Variants in ZNF536 observed in about 807,000 individuals in gnomAD.
The protein encoded by ZNF536 is zinc finger protein 536.
A neutral mutation model predicts 84.5 loss-of-function variants in ZNF536; 13 were observed. The observed-to-expected ratio is 0.15, with a 90% CI of 0.10 to 0.24. The LOEUF (loss-of-function observed/expected upper bound fraction) is 0.24. Ranked by LOEUF, ZNF536 falls within the 10% of genes least tolerant of loss-of-function variation. ZNF536 has a pLI of 1.00. For missense variants in ZNF536, 1,536 were observed against 1,747.5 expected (o/e 0.88, Z 2.16); for synonymous variants, 811 against 742.5 (o/e 1.09, Z -1.50).
rs1746898835 is a variant in ZNF536 at position 30,557,788 on chromosome 19, CAA to C, written c.*627_*628del. 6.6e-6 allele frequency: 1 copy of C among 152,492 alleles called. No individual in the cohort carries two copies. The highest frequency in any genetic ancestry group is 2.4e-5 in the African/African-American group (1 of 41,398). The allele number at this position is 152,492 out of a possible 1,614,324, so 9.4% of individuals were successfully genotyped here. On this transcript the variant is annotated 3_prime_UTR_variant, in exon 5 of 5. Transcript: ENST00000355537. ...TACAACTTAAAAATGGTGATTGAAG[CAA>C]AATATGTAAACTTGTACGGGGTGAT...
chr19:30,375,712 T>C (rs2048791520), intron 1 of ZNF536, among the ~76,000 whole-genome samples: 1 of 152,160 alleles, frequency 6.6e-6, no homozygotes, highest in African/African-American at 2.4e-5. Flanking sequence ...GCGTGGCACG[T>C]GTGTGGGCCC....
chr19:30,566,373 A>G (rs1310633019), intron 1 of ZNF536, among the ~76,000 whole-genome samples: 1 of 152,226 alleles, frequency 6.6e-6, no homozygotes, highest in Admixed American at 6.5e-5. Context: ...TAACCTTCCA[A>G]GCAAAGTTGT....
intron 2 of ZNF536, among the ~76,000 whole-genome samples, chr19:30,464,786 G>T (rs910211192): frequency 6.6e-5 from 10 of 152,038 alleles, no homozygotes; most frequent in African/African-American, 2.2e-4. Context: ...TGCCCAGGAG[G>T]GAGAGGGCAA....
chr19:30,516,930 G>C lies in ZNF536; in HGVS notation c.2171-17917G>C, dbSNP rs561440297. ...AGAAGATAGGGGAAGGCCAGGTGTG[G>C]TGACAGATCCCAAGGCCAGTGCAGC... On this transcript the variant is annotated intron_variant, in intron 2 of 4. Transcript: ENST00000355537. Among the ~76,000 whole-genome samples the C allele has an allele frequency of 2.6e-5, 4 of 152,258 alleles. No homozygotes were observed. The East Asian group carries it at 5.8e-4, about 22-fold the overall frequency.
chr19:30,443,512 G>A (rs1311012974), intron 1 of ZNF536, 49 bp from the exon 2 acceptor site: 3 of 1,499,520 alleles, frequency 2.0e-6, no homozygotes, highest in East Asian at 2.3e-5. Context: ...TTGATTCATG[G>A]CGCCACAGCC....
At chr19:30,668,127 A>T (rs2050403864) in intron 1 of ZNF536, among the ~76,000 whole-genome samples, 1 of 152,184 alleles carries the variant, frequency 6.6e-6, no homozygotes, top group African/African-American at 2.4e-5. Flanking sequence ...TAAATGTAAT[A>T]TTAGAAAAAA....
intron 1 of ZNF536, among the ~76,000 whole-genome samples, chr19:30,429,860 T>C (rs2051373026): frequency 6.6e-6 from 1 of 152,184 alleles, no homozygotes; most frequent in South Asian, 2.1e-4. Flanking sequence ...AAAGGCACGT[T>C]GAAGGACTTG....
intron 2 of ZNF536, among the ~76,000 whole-genome samples, chr19:30,294,083 G>A (rs1468061185): frequency 6.6e-6 from 1 of 152,110 alleles, no homozygotes; most frequent in African/African-American, 2.4e-5. Flanking sequence ...CTTCTACTCC[G>A]ACGGTCCCTG....
chr19:30,376,541 G>A (rs981577871), intron 1 of ZNF536, among the ~76,000 whole-genome samples: 3 of 152,198 alleles, frequency 2.0e-5, no homozygotes, highest in African/African-American at 7.2e-5. Context: ...GTGGGTCTGG[G>A]CAGGGCATCT....
chr19:30,482,601 G>A (rs562873233), intron 2 of ZNF536, among the ~76,000 whole-genome samples: 1 of 151,990 alleles, frequency 6.6e-6, no homozygotes, highest in East Asian at 1.9e-4. Context: ...TAAATCTAGA[G>A]TTTTAAAAAT....
upstream of ZNF536, among the ~76,000 whole-genome samples, chr19:30,225,715 G>C (rs1184623019): frequency 7.0e-6 from 1 of 142,432 alleles, no homozygotes; most frequent in African/African-American, 2.6e-5. Context: ...GCGCGGCGCG[G>C]TGCGGGGGGC....
At chr19:30,470,685 C>CTTT (rs36018979) in intron 2 of ZNF536, among the ~76,000 whole-genome samples, 1 of 125,984 alleles carries the variant, frequency 7.9e-6, no homozygotes, top group East Asian at 2.4e-4. Context: ...TGTAGACTGT[C>CTTT]TTTTTTTTTT....
chr19:30,616,605 C>A (rs2048303514), intron 1 of ZNF536, among the ~76,000 whole-genome samples: 1 of 152,156 alleles, frequency 6.6e-6, no homozygotes, highest in Admixed American at 6.5e-5. Context: ...TGTTACAAAG[C>A]ATGATTGATT....
intron 2 of ZNF536, among the ~76,000 whole-genome samples, chr19:30,515,330 T>G (rs973127895): frequency 6.6e-6 from 1 of 152,162 alleles, no homozygotes; most frequent in Non-Finnish European, 1.5e-5. Flanking sequence ...ATTTAGACAA[T>G]GCTTTGAAAG....
Position 30,542,652 on chromosome 19 carries a change from A to G in ZNF536, c.2324-5291A>G, listed in dbSNP as rs1366074718. On this transcript the variant is annotated intron_variant, in intron 3 of 4. Transcript: ENST00000355537. ...ACCAGTGTTCGTAGCTGCTTCCTTT[A>G]GTGGGCAAAGAGCCCCATTCTGCAC... Among the ~76,000 whole-genome samples the G allele has an allele frequency of 5.9e-5, 9 of 152,320 alleles. No homozygotes were observed. The East Asian group carries it at 1.7e-3, about 29-fold the overall frequency.
At chr19:30,639,530 T>A (rs2049188807) in intron 1 of ZNF536, among the ~76,000 whole-genome samples, 1 of 152,222 alleles carries the variant, frequency 6.6e-6, no homozygotes, top group African/African-American at 2.4e-5. Flanking sequence ...CAGCTCTGGA[T>A]GGTGTTATCT....
At chr19:30,518,226 G>A (rs2044170440) in intron 2 of ZNF536, among the ~76,000 whole-genome samples, 1 of 152,190 alleles carries the variant, frequency 6.6e-6, no homozygotes, top group South Asian at 2.1e-4. Flanking sequence ...CAGCAACCTG[G>A]CAGCCCTGGG....
chr19:30,632,595 G>A (rs904029877), intron 1 of ZNF536, among the ~76,000 whole-genome samples: 1 of 152,062 alleles, frequency 6.6e-6, no homozygotes, highest in African/African-American at 2.4e-5. Flanking sequence ...AACAGAACGA[G>A]AATCCATCTC....
chr19:30,480,112 A>G (rs1357439013), intron 2 of ZNF536, among the ~76,000 whole-genome samples: 11 of 152,254 alleles, frequency 7.2e-5, no homozygotes, highest in Non-Finnish European at 1.5e-4. Context: ...ATATCACAGC[A>G]GCAGGTTTCA....
Sources: allele counts gnomAD v4.1 joint callset (sites outside exome capture counted in the v4.1 genomes callset), GRCh38; gene constraint gnomAD v4.1.1; transcripts MANE v1.5; gene names NCBI Gene and HGNC (gene_info 2026-07-23, HGNC 2026-07-21).